TSPAN15: variants seen among roughly 807,000 people sequenced by gnomAD.
TSPAN15 encodes the protein tetraspanin-15.
TSPAN15 carries 20 observed loss-of-function variants against 34.5 expected under a neutral mutation model. The observed-to-expected ratio is 0.58, with a 90% confidence interval of 0.41 to 0.84. The LOEUF is 0.84. Ranked by LOEUF, TSPAN15 falls within the 40% of genes least tolerant of loss-of-function variation. The pLI is 0.00. For synonymous variants in TSPAN15, 155 were observed against 153.9 expected, an observed-to-expected ratio of 1.01 and a Z score of -0.05; for missense variants, 313 against 386.1, an observed-to-expected ratio of 0.81 and a Z score of 1.59.
chr10:69,549,315 A>G, the TSPAN15 span, among the ~76,000 whole-genome samples: 2,663 of 152,316 alleles, frequency 0.017, 30 homozygotes, highest in Non-Finnish European at 0.027. Context: ...TTCTTCTCTC[A>G]GGCAGACTAA....
chr10:69,504,893 AC>A (rs1842293248), intron 6 of TSPAN15, among the ~76,000 whole-genome samples: 1 of 152,258 alleles, frequency 6.6e-6, no homozygotes, highest in African/African-American at 2.4e-5. Flanking sequence ...TTCCTGGGCA[AC>A]ACCCCTGGTC....
intron 1 of TSPAN15, among the ~76,000 whole-genome samples, chr10:69,452,419 A>T (rs775944774): frequency 6.6e-6 from 1 of 151,854 alleles, no homozygotes; most frequent in African/African-American, 2.4e-5. Flanking sequence ...TTCCAATTTC[A>T]GTTTGTGCGT....
the TSPAN15 span, among the ~76,000 whole-genome samples, chr10:69,530,818 CTCTA>C: frequency 2.0e-3 from 84 of 42,530 alleles, no homozygotes; most frequent in Non-Finnish European, 2.2e-3. Context: ...CTCTCTCTCT[CTCTA>C]TATATATATA....
At chr10:69,461,366 T>C (rs1023618095) in intron 1 of TSPAN15, among the ~76,000 whole-genome samples, 5 of 152,140 alleles carry the variant, frequency 3.3e-5, no homozygotes, top group African/African-American at 9.7e-5. Context: ...GGGAAGCAAG[T>C]ATTTCACTGG....
chr10:69,482,718 T>C (rs1018266515), intron 1 of TSPAN15, among the ~76,000 whole-genome samples: 7 of 127,184 alleles, frequency 5.5e-5, no homozygotes, highest in Non-Finnish European at 9.3e-5. Flanking sequence ...GTCAAATGCC[T>C]GTCCAAGGCC....
chr10:69,542,923 G>A, the TSPAN15 span, among the ~76,000 whole-genome samples: 1 of 152,174 alleles, frequency 6.6e-6, no homozygotes, highest in South Asian at 2.1e-4. Flanking sequence ...GAAAGTCTTG[G>A]CCACTGTCAG....
At chr10:69,476,884 C>G (rs1486341837) in intron 1 of TSPAN15, among the ~76,000 whole-genome samples, 1 of 151,986 alleles carries the variant, frequency 6.6e-6, no homozygotes, top group Admixed American at 6.6e-5. Flanking sequence ...CTTAGAGTAC[C>G]GCCTGGTGGT....
chr10:69,535,497 G>A, the TSPAN15 span, among the ~76,000 whole-genome samples: 26,216 of 152,202 alleles, frequency 0.17, 2,717 homozygotes, highest in East Asian at 0.29. Flanking sequence ...TTAGATCCTG[G>A]TAATTAAAGG....
chr10:69,506,177 C>A lies in TSPAN15; in HGVS notation c.672C>A (p.Ile224=). Residue 224 remains isoleucine, a synonymous_variant, in exon 7 of 8, where the codon ATC becomes ATA. Transcript: ENST00000373290. The surrounding 1 kb of genome is among the most constrained non-coding windows in gnomAD (Gnocchi z 4.7). ...TGCGGGGCTGCACCAACGCCGTGAT[C>A]ATCTGGTTCATGGACAACTACACCA... ...IYVRGCTNAV[I]IWFMDNYTIM... 6.2e-7 allele frequency: 1 copy of A among 1,614,218 alleles called. No homozygotes were observed. Among genetic ancestry groups the A allele is most frequent in the South Asian group, 1.1e-5 (1 of 91,084 alleles).
the TSPAN15 span, among the ~76,000 whole-genome samples, chr10:69,530,077 A>G: frequency 2.0e-5 from 3 of 147,918 alleles, 1 homozygote; most frequent in Non-Finnish European, 4.5e-5. Context: ...ATATATAGGT[A>G]TCTCACATTT....
chr10:69,497,935 A>G (rs1054173137), intron 4 of TSPAN15, among the ~76,000 whole-genome samples: 6 of 152,146 alleles, frequency 3.9e-5, no homozygotes, highest in African/African-American at 1.4e-4. Context: ...TTTAAGGGCC[A>G]TCTTTTCCAG....
the TSPAN15 span, chr10:69,523,311 A>G: frequency 2.1e-6 from 1 of 476,690 alleles, no homozygotes. Context: ...AGGGAACTCA[A>G]AGAGCCAAAG....
chr10:69,506,883 A>G lies in TSPAN15; in HGVS notation c.790A>G (p.Met264Val), dbSNP rs1210520448. The G allele has an allele frequency of 6.2e-7, 1 of 1,605,430 alleles. No individual in the cohort carries two copies. Among genetic ancestry groups the G allele is most frequent in the Non-Finnish European group, 8.5e-7 (1 of 1,176,656 alleles). The change falls in exon 8 of 8, where the codon ATG becomes GTG. Residue 264 changes from methionine (M) to valine (V), a missense_variant. Met to Val is a conservative substitution (Grantham distance 21, BLOSUM62 1). Coordinates refer to ENST00000373290, the MANE Select transcript of TSPAN15 (RefSeq NM_012339.5). This position sits in a 1 kb window ranked among gnomAD's most constrained non-coding sequence, Gnocchi z 4.7. ...LYITRVEDII[M>V]EHSVTDGLLG... is the part of the protein sequence containing the mutation. Reference sequence around the variant, plus strand: ...CATCACCCGGGTGGAGGACATCATCATGGAGCACTCTGTCACTGATGGGCT... The same window carrying G: ...CATCACCCGGGTGGAGGACATCATCGTGGAGCACTCTGTCACTGATGGGCT...
At chr10:69,516,040 T>G in the TSPAN15 span, among the ~76,000 whole-genome samples, 1 of 152,196 alleles carries the variant, frequency 6.6e-6, no homozygotes, top group African/African-American at 2.4e-5. Flanking sequence ...TTTTGTGAAG[T>G]TCGGATAGAT....
the TSPAN15 span, among the ~76,000 whole-genome samples, chr10:69,542,879 T>C: frequency 1.3e-5 from 2 of 152,348 alleles, no homozygotes; most frequent in African/African-American, 4.8e-5. Context: ...ACAATTAAGA[T>C]ACACAGGCTT....
chr10:69,491,583 G>A (rs1472069428), intron 3 of TSPAN15, among the ~76,000 whole-genome samples: 6 of 151,662 alleles, frequency 4.0e-5, no homozygotes, highest in African/African-American at 1.5e-4. Flanking sequence ...GGTTGGTCTC[G>A]AACTCCTGGA....
chr10:69,536,702 TG>T, the TSPAN15 span, among the ~76,000 whole-genome samples: 1 of 152,118 alleles, frequency 6.6e-6, no homozygotes, highest in South Asian at 2.1e-4. Flanking sequence ...ACACCGGTCC[TG>T]GTCGGGCATG....
At chr10:69,544,452 T>G in the TSPAN15 span, among the ~76,000 whole-genome samples, 4 of 152,288 alleles carry the variant, frequency 2.6e-5, no homozygotes, top group African/African-American at 9.6e-5. Flanking sequence ...CTCCCAGGTC[T>G]AATCCAGGAG....
At chr10:69,461,841 C>A (rs954007753) in intron 1 of TSPAN15, among the ~76,000 whole-genome samples, 27 of 152,072 alleles carry the variant, frequency 1.8e-4, no homozygotes, top group Non-Finnish European at 2.1e-4. Flanking sequence ...AACTTCTTGG[C>A]CAGTGGACCT....
Sources: gnomAD v4.1 joint callset for allele counts (sites outside exome capture counted in the v4.1 genomes callset) on GRCh38, gnomAD v4.1.1 for gene constraint, Gnocchi (gnomAD v3.1) non-coding constraint, MANE v1.5 for transcripts, NCBI Gene and HGNC (gene_info 2026-07-23, HGNC 2026-07-21) for gene names.